Variants in PNOC observed in about 807,000 individuals in gnomAD.
PNOC encodes the protein nociceptin.
In PNOC, 10 loss-of-function variants were observed where a neutral mutation model predicts 15.6. The ratio of observed to expected loss-of-function variants is 0.64; its 90% CI spans 0.40 to 1.09. PNOC has a LOEUF of 1.09. PNOC is among the 50% of genes least tolerant of loss of function. The probability of loss-of-function intolerance (pLI) is 0.01; values close to 1 mark genes in which losing one functional copy is unlikely to be tolerated. For synonymous variants in PNOC, 98 were observed against 88.5 expected, an observed-to-expected ratio of 1.11 and a Z score of -0.60; for missense variants, 220 against 223.9, an observed-to-expected ratio of 0.98 and a Z score of 0.11.
At chr8:28,326,657 C>T (rs1310231803) in intron 1 of PNOC, among the ~76,000 whole-genome samples, 1 of 152,102 alleles carries the variant, frequency 6.6e-6, no homozygotes, top group Non-Finnish European at 1.5e-5. Context: ...GTCAGGAGTT[C>T]GAGACCAGCT....
intron 2 of PNOC, among the ~76,000 whole-genome samples, chr8:28,335,848 C>T (rs1362783790): frequency 6.6e-6 from 1 of 151,946 alleles, no homozygotes; most frequent in Non-Finnish European, 1.5e-5. Flanking sequence ...TTTTTAAAAG[C>T]TCTGCAGGTG....
intron 1 of PNOC, among the ~76,000 whole-genome samples, chr8:28,325,634 A>G (rs1468098722): frequency 1.4e-5 from 2 of 146,672 alleles, no homozygotes; most frequent in African/African-American, 5.1e-5. Context: ...CCTGGGCGAC[A>G]GAGTGAGACT....
chr8:28,332,550 C>T (rs914044986), intron 2 of PNOC, among the ~76,000 whole-genome samples: 1 of 152,174 alleles, frequency 6.6e-6, no homozygotes, highest in Non-Finnish European at 1.5e-5. Context: ...GTGAATGGTA[C>T]TTACTTCATC....
chr8:28,327,845 G>A (rs1001415454), intron 1 of PNOC, among the ~76,000 whole-genome samples: 2 of 151,756 alleles, frequency 1.3e-5, no homozygotes, highest in South Asian at 2.1e-4. Context: ...TCACAGTCCT[G>A]GAGGCTGGGA....
intron 1 of PNOC, among the ~76,000 whole-genome samples, chr8:28,327,509 C>T (rs1279164835): frequency 1.3e-5 from 2 of 152,136 alleles, no homozygotes; most frequent in Non-Finnish European, 2.9e-5. Flanking sequence ...CTTAGTCTGT[C>T]CAGGCTACTG....
chr8:28,326,885 A>C (rs2614094), intron 1 of PNOC, among the ~76,000 whole-genome samples: 49,569 of 152,012 alleles, frequency 0.33, 9,968 homozygotes, highest in Non-Finnish European at 0.46. Context: ...ACAAAAAGAC[A>C]TGCAGATCCT....
intron 2 of PNOC, among the ~76,000 whole-genome samples, chr8:28,330,396 A>ATTTTATTTTTTTTTTTTTTTTTATTTTTT (rs377288105): frequency 1.2e-5 from 1 of 80,418 alleles, no homozygotes; most frequent in Non-Finnish European, 2.6e-5. Context: ...ATTTTATTTT[A>ATTTTATTTTTTTTTTTTTTTTTATTTTTT]TTTTTTTTTT....
intron 1 of PNOC, among the ~76,000 whole-genome samples, chr8:28,327,652 C>T (rs984721276): frequency 2.6e-5 from 4 of 151,532 alleles, no homozygotes; most frequent in Non-Finnish European, 2.9e-5. Flanking sequence ...CTGCAACCTC[C>T]GCCTCCTGGG....
chr8:28,328,081 T>A (rs1801256104), intron 1 of PNOC, among the ~76,000 whole-genome samples: 1 of 143,376 alleles, frequency 7.0e-6, no homozygotes, highest in Non-Finnish European at 1.5e-5. Context: ...TTTTTTTTTT[T>A]TTTTGAGACA....
intron 3 of PNOC, chr8:28,339,807 C>CGAT (rs1801484914): frequency 5.6e-6 from 1 of 178,402 alleles, no homozygotes; most frequent in Admixed American, 6.1e-5. Context: ...TACGCCCATC[C>CGAT]AGTTGCCACA....
intron 3 of PNOC, among the ~76,000 whole-genome samples, chr8:28,341,130 T>C (rs1201749252): frequency 6.6e-6 from 1 of 152,260 alleles, no homozygotes; most frequent in Admixed American, 6.5e-5. Context: ...GCCGTGTCAC[T>C]AATAACCTTC....
chr8:28,336,659 G>A (rs1478361206), intron 2 of PNOC, among the ~76,000 whole-genome samples: 21 of 152,138 alleles, frequency 1.4e-4, no homozygotes. Flanking sequence ...TTATGGATAT[G>A]ATAAACAATT....
At chr8:28,342,789 T>C (rs1801545951) in intron 3 of PNOC, among the ~76,000 whole-genome samples, 153 bp from the exon 4 acceptor site, 1 of 152,208 alleles carries the variant, frequency 6.6e-6, no homozygotes, top group Non-Finnish European at 1.5e-5. Flanking sequence ...TGTGCGGAGA[T>C]GCTGAGGACC....
At chr8:28,329,343 T>C in intron 2 of PNOC, 60 bp downstream of exon 2, 1 of 1,594,578 alleles carries the variant, frequency 6.3e-7, no homozygotes, top group East Asian at 2.2e-5. Flanking sequence ...CCTCCCTCCC[T>C]ACTCCAGAGC....
chr8:28,324,486 C>T (rs1480699516), intron 1 of PNOC, among the ~76,000 whole-genome samples: 1 of 152,192 alleles, frequency 6.6e-6, no homozygotes, highest in African/African-American at 2.4e-5. Context: ...ATAGCCACTG[C>T]CACCATGTGG....
At chr8:28,333,675 T>A (rs1801365446) in intron 2 of PNOC, among the ~76,000 whole-genome samples, 1 of 152,220 alleles carries the variant, frequency 6.6e-6, no homozygotes, top group South Asian at 2.1e-4. Context: ...TTTCTCTGAC[T>A]GACACAAAAT....
At chr8:28,319,892 TA>T (rs1213235529) in intron 1 of PNOC, among the ~76,000 whole-genome samples, 1 of 152,148 alleles carries the variant, frequency 6.6e-6, no homozygotes, top group Non-Finnish European at 1.5e-5. Context: ...CTGGATTTTC[TA>T]AACGCCTTTA....
At chr8:28,319,586 C>T (rs1180928541) in intron 1 of PNOC, among the ~76,000 whole-genome samples, 1 of 152,166 alleles carries the variant, frequency 6.6e-6, no homozygotes, top group African/African-American at 2.4e-5. Flanking sequence ...AGCTTGTCTA[C>T]GTGCTTATTT....
intron 1 of PNOC, among the ~76,000 whole-genome samples, chr8:28,319,676 C>A (rs535181274): frequency 6.6e-6 from 1 of 152,180 alleles, no homozygotes; most frequent in Admixed American, 6.5e-5. Flanking sequence ...TGCACTGACA[C>A]GGTTCAGTGA....
Sources: gnomAD v4.1 joint callset for allele counts (sites outside exome capture counted in the v4.1 genomes callset) on GRCh38, gnomAD v4.1.1 for gene constraint, MANE v1.5 for transcripts, NCBI Gene and HGNC (gene_info 2026-07-23, HGNC 2026-07-21) for gene names.